Variants in ZFP1 observed in about 807,000 individuals in gnomAD.
The protein encoded by ZFP1 is ZFP1 zinc finger protein, also known as zinc finger protein 1 homolog.
ZFP1 carries 32 observed loss-of-function variants against 38.5 expected under a neutral mutation model. The observed-to-expected ratio is 0.83, with a 90% CI of 0.63 to 1.12. The LOEUF (loss-of-function observed/expected upper bound fraction) is 1.12, where lower values mean the gene tolerates loss of function less well. Ranked by LOEUF, ZFP1 falls within the 50% of genes most tolerant of loss-of-function variation. The pLI is 0.00. For synonymous variants in ZFP1, 245 were observed against 168.8 expected (o/e 1.45, Z -3.50); for missense variants, 616 against 480.8 (o/e 1.28, Z -2.63).
chr16:75,122,033 A>G, the ZFP1 span, among the ~76,000 whole-genome samples: 1 of 152,244 alleles, frequency 6.6e-6, no homozygotes, highest in Non-Finnish European at 1.5e-5. Flanking sequence ...TAAGCTTGTT[A>G]GAAATGCAAA....
chr16:75,169,100 A>C (rs12716783), intron 3 of ZFP1, among the ~76,000 whole-genome samples, 153 bp from the exon 4 acceptor site: 119,790 of 152,110 alleles, frequency 0.79, 48,291 homozygotes, highest in Non-Finnish European at 0.88. Flanking sequence ...GTTTGAAAGG[A>C]AACATTTGCA....
chr16:75,129,433 G>A, the ZFP1 span, among the ~76,000 whole-genome samples: 24 of 152,314 alleles, frequency 1.6e-4, no homozygotes, highest in Middle Eastern at 3.4e-3. Flanking sequence ...AAAGGGAAAA[G>A]TCAAGCTGGG....
At chr16:75,149,781 A>G (rs1197838663) in intron 1 of ZFP1, among the ~76,000 whole-genome samples, 2 of 148,670 alleles carry the variant, frequency 1.3e-5, no homozygotes, top group African/African-American at 5.0e-5. Context: ...ACATCACTCA[A>G]ATTTTTATAT....
the ZFP1 span, among the ~76,000 whole-genome samples, chr16:75,133,009 G>A: frequency 3.9e-4 from 55 of 142,762 alleles, no homozygotes; most frequent in African/African-American, 1.4e-3. Flanking sequence ...ACGGAGTCTT[G>A]CCCTGTCACC....
At chr16:75,143,058 CAATT>C in the ZFP1 span, among the ~76,000 whole-genome samples, 2 of 151,978 alleles carry the variant, frequency 1.3e-5, no homozygotes, top group African/African-American at 2.4e-5. Context: ...TTGACTTTGA[CAATT>C]GATATACAAA....
chr16:75,161,163 G>A (rs549762126), intron 2 of ZFP1, among the ~76,000 whole-genome samples: 4 of 152,136 alleles, frequency 2.6e-5, no homozygotes, highest in Non-Finnish European at 4.4e-5. Flanking sequence ...CGCCTTCCGG[G>A]TTCAAGCGAT....
At chr16:75,126,805 T>A in the ZFP1 span, among the ~76,000 whole-genome samples, 1 of 152,230 alleles carries the variant, frequency 6.6e-6, no homozygotes, top group Admixed American at 6.5e-5. Context: ...AATTATAAAT[T>A]ATGTTTTTTT....
rs374623703 is a variant in ZFP1, at chr16:75,153,043, G to A, written c.15+77G>A. 2,435 of 1,562,898 alleles carry A rather than the reference G, an allele frequency of 1.6e-3. 54 individuals are homozygous for A. The South Asian group carries it at 0.027, about 17-fold the overall frequency. Reference sequence around the variant, plus strand: ...TTATAAGGATCCAGAAAATGAAATAGAAAAGTATGAATAAGACACAAAGGA... The same window carrying A: ...TTATAAGGATCCAGAAAATGAAATAAAAAAGTATGAATAAGACACAAAGGA... On this transcript the variant is annotated intron_variant, in intron 2 of 3. Transcript: ENST00000570010.
chr16:75,152,793 C>G (rs987900436), intron 1 of ZFP1, 116 bp from the exon 2 acceptor site: 2 of 890,694 alleles, frequency 2.2e-6, no homozygotes, highest in Non-Finnish European at 3.5e-6. Context: ...AAGGGACTTT[C>G]CCAGGAGGTG....
At chr16:75,135,209 C>CAAAAAAA in the ZFP1 span, among the ~76,000 whole-genome samples, 2,527 of 14,886 alleles carry the variant, frequency 0.17, 833 homozygotes, top group East Asian at 0.51. Context: ...GACCTTATCT[C>CAAAAAAA]AAAAAAAAAA....
chr16:75,153,028 C>T (rs1288719182), intron 2 of ZFP1, 62 bp downstream of exon 2: 45 of 1,585,140 alleles, frequency 2.8e-5, no homozygotes, highest in Non-Finnish European at 3.6e-5. Flanking sequence ...TTATAAGGAT[C>T]CAGAAAATGA....
rs546425689 is a variant in ZFP1, at chr16:75,171,758, A to G, written c.*1424A>G. ...TATATATTGAGTGACTTTCTGAACA[A>G]ATTTATCCAGAACATCCATAGCCCA... On this transcript the variant is annotated 3_prime_UTR_variant, in exon 4 of 4. Coordinates refer to ENST00000570010, the MANE Select transcript of ZFP1 (RefSeq NM_153688.4). 56 of 152,344 alleles carry G rather than the reference A, an allele frequency of 3.7e-4. No homozygotes were observed. The highest frequency in any genetic ancestry group is 1.2e-3 in the African/African-American group (50 of 41,578). 9.4% of individuals were successfully genotyped at this position (152,344 alleles called of 1,614,324 possible). A position where few individuals can be genotyped will look rare whatever the true frequency, so the allele number is the denominator to read the frequency against.
Position 75,169,877 on chromosome 16 carries a change from T to G in ZFP1, c.767T>G (p.Ile256Ser), listed in dbSNP as rs1245993703. 12 of 1,614,024 alleles carry G rather than the reference T, an allele frequency of 7.4e-6. No homozygotes were observed. The highest frequency in any genetic ancestry group is 9.3e-6 in the Non-Finnish European group (11 of 1,180,018). The part of the protein sequence containing the change: ...GKAFTHQSNL[I>S]VHQRAHMEKK... ...GCTTTCACCCACCAGTCAAACCTCA[T>G]TGTACACCAGAGAGCACATATGGAG... The change falls in exon 4 of 4, where the codon ATT becomes AGT. Residue 256 changes from isoleucine to serine, a missense_variant. Ile to Ser is a moderately radical substitution (Grantham distance 142). Coordinates refer to ENST00000570010, the MANE Select transcript of ZFP1 (RefSeq NM_153688.4).
At position 75,166,831 on chromosome 16, in the gene ZFP1, A is replaced by G. The variant is rs1352896440; in HGVS notation, c.77A>G (p.Asp26Gly). The change falls in exon 3 of 4, where the codon GAC (aspartate) becomes GGC (glycine). Residue 26 changes from aspartate to glycine, a missense_variant. Physicochemically the swap from Asp to Gly is moderately conservative, Grantham distance 94. Transcript: ENST00000570010. ...DFTQEEWEQL[D>G]PSQRILYMDV... The stretch of plus-strand genomic sequence containing the variant: ...ACCCAGGAGGAATGGGAACAACTGG[A>G]CCCCTCTCAGAGGATCCTATACATG... 36 of 1,613,986 alleles carry G rather than the reference A, an allele frequency of 2.2e-5. No homozygotes were observed. The highest frequency in any genetic ancestry group is 3.1e-5 in the Non-Finnish European group (36 of 1,180,018).
At chr16:75,120,457 G>A in the ZFP1 span, among the ~76,000 whole-genome samples, 1 of 151,484 alleles carries the variant, frequency 6.6e-6, no homozygotes, top group Non-Finnish European at 1.5e-5. Context: ...AGGCAAGTTC[G>A]TCTCGTCTCT....
chr16:75,134,828 C>T, the ZFP1 span, among the ~76,000 whole-genome samples: 49 of 151,854 alleles, frequency 3.2e-4, no homozygotes, highest in African/African-American at 9.2e-4. Context: ...GAGGCCGAGG[C>T]GGGCGGATCA....
At chr16:75,152,175 G>A (rs369530450) in intron 1 of ZFP1, among the ~76,000 whole-genome samples, 1 of 152,114 alleles carries the variant, frequency 6.6e-6, no homozygotes, top group Non-Finnish European at 1.5e-5. Context: ...ATGTGTCCAT[G>A]TGTGTTTTTG....
intron 3 of ZFP1, among the ~76,000 whole-genome samples, chr16:75,168,386 A>G (rs2038217756): frequency 1.3e-5 from 2 of 151,760 alleles, no homozygotes. Context: ...TGGAATATTG[A>G]GAGTATCCCT....
intron 2 of ZFP1, among the ~76,000 whole-genome samples, chr16:75,165,142 A>T (rs532108521): frequency 2.0e-5 from 3 of 151,806 alleles, no homozygotes; most frequent in Non-Finnish European, 4.4e-5. Context: ...AGCCATGCCT[A>T]TTTGTTGACG....
Sources: gnomAD v4.1 joint callset for allele counts (sites outside exome capture counted in the v4.1 genomes callset) on GRCh38, gnomAD v4.1.1 for gene constraint, MANE v1.5 for transcripts, NCBI Gene and HGNC (gene_info 2026-07-23, HGNC 2026-07-21) for gene names.